TNNT2: variants seen among roughly 807,000 people sequenced by gnomAD.
The protein encoded by TNNT2 is troponin T2, cardiac type.
Under a neutral mutation model 62.4 loss-of-function variants are expected in TNNT2, and 34 were observed. The ratio of observed to expected loss-of-function variants is 0.54; its 90% confidence interval spans 0.41 to 0.72. TNNT2 has a LOEUF of 0.72. Ranked by LOEUF, TNNT2 falls within the 30% of genes least tolerant of loss-of-function variation. The pLI, the probability that TNNT2 is intolerant of heterozygous loss-of-function variation, is 0.00. For synonymous variants in TNNT2, 123 were observed against 127.2 expected, an observed-to-expected ratio of 0.97 and a Z score of 0.22; for missense variants, 275 against 381.9, an observed-to-expected ratio of 0.72 and a Z score of 2.33.
At chr1:201,367,148 C>T (rs368106156) in intron 7 of TNNT2, 70 of 568,802 alleles carry the variant, frequency 1.2e-4, no homozygotes, top group African/African-American at 1.1e-3. Flanking sequence ...CAGTTCTGGG[C>T]AAAGCAATTT....
intron 13 of TNNT2, 115 bp downstream of exon 13, chr1:201,362,271 C>G (rs1571608134): frequency 1.3e-6 from 2 of 1,525,318 alleles, no homozygotes; most frequent in Admixed American, 1.9e-5. Context: ...CCAGCTTCCC[C>G]CCTCCCCAGC....
intron 8 of TNNT2, chr1:201,366,438 T>C (rs1659677680): frequency 8.9e-7 from 1 of 1,121,564 alleles, no homozygotes; most frequent in Non-Finnish European, 1.1e-6. Context: ...CTCTCAGCTC[T>C]CTGAAGCCGC....
intron 5 of TNNT2, 130 bp downstream of exon 5, chr1:201,369,686 A>G: frequency 9.0e-7 from 1 of 1,111,648 alleles, no homozygotes; most frequent in East Asian, 2.4e-5. Flanking sequence ...CAGGGGAGGA[A>G]ACGACTGACC....
Position 201,363,425 on chromosome 1 carries a change from G to T in TNNT2, c.490-19C>A. 6.2e-7 allele frequency: 1 copy of T among 1,610,810 alleles called. No homozygotes were observed. Among genetic ancestry groups the T allele is most frequent in the Non-Finnish European group, 8.5e-7 (1 of 1,176,984 alleles). On this transcript the variant is annotated intron_variant, in intron 11 of 16. Coordinates refer to ENST00000656932, the MANE Select transcript of TNNT2 (RefSeq NM_001276345.2). ...TCTCTTCCTGATTTACAGCAGGGAG[G>T]AAGAAAGCAAATTAGGGGAAAGGAT...
Position 201,361,143 on chromosome 1 carries a change from G to A in TNNT2, c.810+136C>T, listed in dbSNP as rs114141823. 2,316 of 842,150 alleles carry A rather than the reference G, an allele frequency of 2.8e-3. 36 individuals are homozygous for A. In the African/African-American group the frequency reaches 0.034, roughly 12 times the overall value. 52.2% of individuals were successfully genotyped at this position (842,150 alleles called of 1,614,324 possible). A position where few individuals can be genotyped will look rare whatever the true frequency, so the allele number is the denominator to read the frequency against. On this transcript the variant is annotated intron_variant, in intron 15 of 16. Transcript: ENST00000656932. ...ACACTGCTGAAGGCCAGGCAGCAGGGGCAGATGCAGGAGCTGAAGGGGGCT... is the reference window on the plus strand; with the variant it reads ...ACACTGCTGAAGGCCAGGCAGCAGGAGCAGATGCAGGAGCTGAAGGGGGCT...
At chr1:201,360,962 G>A (rs900706176) in intron 15 of TNNT2, 17 of 422,958 alleles carry the variant, frequency 4.0e-5, no homozygotes, top group South Asian at 3.4e-4. Flanking sequence ...TCCTGGCTTG[G>A]TGCATCCTGG....
In TNNT2 at chr1:201,364,335, CG is replaced by C. The variant is rs730881115; in HGVS notation, c.451del (p.Arg151GlyfsTer41). 135 of 1,613,186 alleles carry C rather than the reference CG, an allele frequency of 8.4e-5. No individual in the cohort carries two copies. The highest frequency in any genetic ancestry group is 1.1e-4 in the Non-Finnish European group (125 of 1,180,012). On this transcript the variant is annotated frameshift_variant, in exon 11 of 17. Transcript: ENST00000656932. LOFTEE classifies it high-confidence loss of function. ...RAERAEQQRI[R>X]NEREKERQNR... The stretch of plus-strand genomic sequence containing the variant: ...CTGCCGCTCCTTCTCCCGCTCATTC[CG>C]GATGCGCTGCTGCTCGGCCCGCTCT...
rs1337423336 is a variant in TNNT2 at position 201,365,325 on chromosome 1, C to T, written c.295-18G>A. The T allele has an allele frequency of 8.7e-6, 14 of 1,602,920 alleles. No homozygotes were observed. Among genetic ancestry groups the T allele is most frequent in the Middle Eastern group, 1.7e-4 (1 of 6,022 alleles). On this transcript the variant is annotated intron_variant, in intron 9 of 16. Coordinates refer to ENST00000656932, the MANE Select transcript of TNNT2 (RefSeq NM_001276345.2). ...TGGATGTCCTGTGGGTGGACCGCTG[C>T]GGCTCAGAGGCTGCCACTCCAAAGA... is the stretch of plus-strand genomic sequence containing the variant.
At chr1:201,369,239 A>C (rs1477326187) in intron 5 of TNNT2, 1 of 469,036 alleles carries the variant, frequency 2.1e-6, no homozygotes, top group African/African-American at 2.0e-5. Context: ...TAGCTGTCAG[A>C]ACGCACTTTC....
chr1:201,375,940 T>G (rs1661335629), intron 1 of TNNT2, among the ~76,000 whole-genome samples: 1 of 152,182 alleles, frequency 6.6e-6, no homozygotes. Flanking sequence ...CATGCAGACA[T>G]GCAGGATGGA....
chr1:201,361,474 C>T (rs1409382082), intron 14 of TNNT2, 105 bp from the exon 15 acceptor site: 5 of 1,105,984 alleles, frequency 4.5e-6, no homozygotes, highest in Non-Finnish European at 6.9e-6. Context: ...CTCCTTCCCA[C>T]CTCCAGGCCT....
rs1571659019 is a variant in TNNT2 at position 201,369,698 on chromosome 1, A to G, written c.97+118T>C. ...AGGCAGGGGAGGAAACGACTGACCC[A>G]CTCCGTCCCTGCCGCCTACTCACAC... On this transcript the variant is annotated intron_variant, in intron 5 of 16. Coordinates refer to ENST00000656932, the MANE Select transcript of TNNT2 (RefSeq NM_001276345.2). The G allele has an allele frequency of 4.8e-6, 6 of 1,262,456 alleles. No individual in the cohort carries two copies. The East Asian group carries it at 7.0e-5, about 15-fold the overall frequency. The allele number at this position is 1,262,456 out of a possible 1,614,324, so 78.2% of individuals were successfully genotyped here.
chr1:201,364,978 T>A (rs1391868066), intron 10 of TNNT2, among the ~76,000 whole-genome samples: 1 of 151,900 alleles, frequency 6.6e-6, no homozygotes, highest in Non-Finnish European at 1.5e-5. Flanking sequence ...TCAAGGAGCA[T>A]CCAGTAGGAT....
intron 11 of TNNT2, 135 bp from the exon 12 acceptor site, chr1:201,363,541 C>T (rs1326047671): frequency 1.3e-6 from 1 of 793,360 alleles, no homozygotes; most frequent in Admixed American, 1.9e-5. Flanking sequence ...GAGAGGGTAG[C>T]TCCCAGCACA....
rs35380680 is a variant in TNNT2, at chr1:201,368,044, T to G, written c.163+118A>C. 3.4e-5 allele frequency: 38 copies of G among 1,104,436 alleles called. No individual in the cohort carries two copies. In the African/African-American group the frequency reaches 5.2e-4, roughly 15 times the overall value. 68.4% of individuals were successfully genotyped at this position (1,104,436 alleles called of 1,614,324 possible). ...CAATCAATGGTTGAATCTTAGTCAA[T>G]AGGAGAGTCAGGTGCACATGGGAAA... On this transcript the variant is annotated intron_variant, in intron 6 of 16. Coordinates refer to ENST00000656932, the MANE Select transcript of TNNT2 (RefSeq NM_001276345.2).
intron 13 of TNNT2, 140 bp downstream of exon 13, chr1:201,362,246 C>G (rs1658806006): frequency 4.2e-6 from 6 of 1,426,692 alleles, no homozygotes; most frequent in African/African-American, 1.4e-5. Flanking sequence ...CCTAACTAAT[C>G]TCTTTCACCT....
At chr1:201,362,210 G>T (rs1406166450) in intron 13 of TNNT2, 176 bp downstream of exon 13, 1 of 1,262,610 alleles carries the variant, frequency 7.9e-7, no homozygotes, top group Admixed American at 2.0e-5. Flanking sequence ...GGGCAAGAAG[G>T]ATCACGTCAG....
intron 5 of TNNT2, 95 bp downstream of exon 5, chr1:201,369,721 C>T: frequency 1.3e-6 from 2 of 1,537,846 alleles, no homozygotes; most frequent in Non-Finnish European, 1.8e-6. Flanking sequence ...CGCCTACTCA[C>T]ACCCCCCAGC....
intron 5 of TNNT2, among the ~76,000 whole-genome samples, chr1:201,368,784 C>T (rs769005549): frequency 1.2e-4 from 19 of 152,146 alleles, no homozygotes; most frequent in Non-Finnish European, 2.1e-4. Context: ...GACAGGATGC[C>T]GCCTGGCCTG....
Sources: allele counts gnomAD v4.1 joint callset (sites outside exome capture counted in the v4.1 genomes callset), GRCh38; gene constraint gnomAD v4.1.1; transcripts MANE v1.5; gene names NCBI Gene and HGNC (gene_info 2026-07-23, HGNC 2026-07-21).